The following GALNT13 variants were observed in gnomAD, a reference collection of about 807,000 sequenced individuals.
The protein encoded by GALNT13 is UDP-GalNAc:polypeptide N-acetylgalactosaminyltransferase 13.
Under a neutral mutation model 64.2 loss-of-function variants are expected in GALNT13, and 28 were observed. That is an observed-to-expected ratio of 0.44 (90% CI 0.32 to 0.60). GALNT13 has a LOEUF of 0.60. GALNT13 is among the 20% of genes least tolerant of loss of function. GALNT13 has a pLI of 0.05. For missense variants in GALNT13, 577 were observed against 669.8 expected, an observed-to-expected ratio of 0.86 and a Z score of 1.53; for synonymous variants, 214 against 224.6, an observed-to-expected ratio of 0.95 and a Z score of 0.42.
chr2:153,685,939 G>A, the GALNT13 span, among the ~76,000 whole-genome samples: 2 of 152,152 alleles, frequency 1.3e-5, no homozygotes, highest in South Asian at 2.1e-4. Context: ...GTTTGTCAAA[G>A]ATCAGACAGT....
the GALNT13 span, among the ~76,000 whole-genome samples, chr2:153,760,309 CT>C: frequency 3.0e-4 from 45 of 151,618 alleles, no homozygotes; most frequent in African/African-American, 1.0e-3. Context: ...TTTCTTATTT[CT>C]TCTAACTTTG....
chr2:154,269,019 T>C (rs1691177128), intron 8 of GALNT13, among the ~76,000 whole-genome samples: 1 of 152,064 alleles, frequency 6.6e-6, no homozygotes, highest in African/African-American at 2.4e-5. Flanking sequence ...ACCTGAAGAA[T>C]ATAGCTAAGT....
the GALNT13 span, among the ~76,000 whole-genome samples, chr2:153,496,611 C>T: frequency 6.6e-6 from 1 of 152,094 alleles, no homozygotes; most frequent in South Asian, 2.1e-4. Context: ...AATATTAAAT[C>T]TTCATATTCC....
chr2:154,071,335 A>C (rs1027421863), intron 3 of GALNT13, among the ~76,000 whole-genome samples: 14 of 152,110 alleles, frequency 9.2e-5, no homozygotes, highest in African/African-American at 3.4e-4. Context: ...ATTTTCTAGA[A>C]TTTCTGGGTC....
chr2:154,194,882 A>G (rs1387649333), intron 4 of GALNT13, among the ~76,000 whole-genome samples: 1 of 147,064 alleles, frequency 6.8e-6, no homozygotes, highest in Admixed American at 6.8e-5. Context: ...TTTTACTTTA[A>G]GTTCTGAGAT....
intron 9 of GALNT13, among the ~76,000 whole-genome samples, chr2:154,375,597 C>A (rs1375609645): frequency 2.0e-5 from 3 of 152,044 alleles, no homozygotes; most frequent in Non-Finnish European, 4.4e-5. Context: ...GACAAACAAA[C>A]CCACGCAGCC....
chr2:154,214,082 G>T (rs1337915754), intron 4 of GALNT13, among the ~76,000 whole-genome samples: 1 of 152,082 alleles, frequency 6.6e-6, no homozygotes, highest in East Asian at 1.9e-4. Context: ...ATGAATTATT[G>T]ATAAATTATC....
chr2:153,515,356 TC>T, the GALNT13 span, among the ~76,000 whole-genome samples: 6 of 152,314 alleles, frequency 3.9e-5, no homozygotes, highest in South Asian at 1.2e-3. Context: ...TGCTGTTATT[TC>T]AAGCTTCTGT....
At chr2:153,995,231 A>T (rs1402448945) in intron 3 of GALNT13, among the ~76,000 whole-genome samples, 1 of 152,082 alleles carries the variant, frequency 6.6e-6, no homozygotes, top group Non-Finnish European at 1.5e-5. Context: ...CCACATATTG[A>T]TAACTTGTTT....
the GALNT13 span, among the ~76,000 whole-genome samples, chr2:153,792,037 C>G: frequency 6.6e-6 from 1 of 152,040 alleles, no homozygotes; most frequent in African/African-American, 2.4e-5. Context: ...ATATAACAAA[C>G]GTACACATGT....
At chr2:154,149,025 T>C (rs1374481168) in intron 4 of GALNT13, among the ~76,000 whole-genome samples, 3 of 152,198 alleles carry the variant, frequency 2.0e-5, no homozygotes, top group Admixed American at 6.5e-5. Context: ...TGAATGGTAA[T>C]GCCTAGGTTT....
At chr2:153,211,756 A>G in the GALNT13 span, among the ~76,000 whole-genome samples, 2 of 152,302 alleles carry the variant, frequency 1.3e-5, no homozygotes, top group African/African-American at 4.8e-5. Flanking sequence ...GGTGTTCACT[A>G]AAGCTTGGGA....
intron 4 of GALNT13, among the ~76,000 whole-genome samples, chr2:154,145,519 G>A (rs1343791958): frequency 6.6e-6 from 1 of 151,856 alleles, no homozygotes; most frequent in African/African-American, 2.4e-5. Context: ...GGCTGGTATT[G>A]AGTGTTTTTG....
the GALNT13 span, among the ~76,000 whole-genome samples, chr2:153,566,265 CAA>C: frequency 6.9e-6 from 1 of 144,336 alleles, no homozygotes; most frequent in Non-Finnish European, 1.5e-5. Context: ...TTGAGACCAA[CAA>C]ATATTTAAAG....
At chr2:154,050,326 A>G (rs944462755) in intron 3 of GALNT13, among the ~76,000 whole-genome samples, 2 of 152,228 alleles carry the variant, frequency 1.3e-5, no homozygotes, top group African/African-American at 4.8e-5. Context: ...AAGTGAAGCA[A>G]TAAAGTGGAA....
intron 3 of GALNT13, among the ~76,000 whole-genome samples, chr2:154,135,287 T>C (rs1163314165): frequency 1.3e-5 from 2 of 152,160 alleles, no homozygotes; most frequent in Non-Finnish European, 2.9e-5. Flanking sequence ...TGGTGATCAG[T>C]GTTCTCTTGT....
chr2:154,340,685 AG>A (rs1276140019), intron 9 of GALNT13, among the ~76,000 whole-genome samples: 1 of 152,138 alleles, frequency 6.6e-6, no homozygotes. Context: ...CATATGACAA[AG>A]TCCATGGGAC....
chr2:153,837,927 T>C, the GALNT13 span, among the ~76,000 whole-genome samples: 1 of 152,028 alleles, frequency 6.6e-6, no homozygotes, highest in African/African-American at 2.4e-5. Flanking sequence ...TCCTCACCAA[T>C]ATTTATTATC....
chr2:153,197,781 ACAAGCTCTAGGTAC>A, the GALNT13 span, among the ~76,000 whole-genome samples: 1 of 152,204 alleles, frequency 6.6e-6, no homozygotes, highest in South Asian at 2.1e-4. Context: ...AAGGTGGGTT[ACAAGCTCTAGGTAC>A]CACGTGCTTC....
Sources: gnomAD v4.1 joint callset for allele counts (sites outside exome capture counted in the v4.1 genomes callset) on GRCh38, gnomAD v4.1.1 for gene constraint, MANE v1.5 for transcripts, NCBI Gene and HGNC (gene_info 2026-07-23, HGNC 2026-07-21) for gene names.